Variants in KCNAB1 observed in about 807,000 individuals in gnomAD.
KCNAB1 encodes potassium voltage-gated channel subfamily A regulatory beta subunit 1.
KCNAB1 carries 35 observed loss-of-function variants against 64.6 expected under a neutral mutation model. The observed-to-expected ratio is 0.54, with a 90% CI of 0.41 to 0.72. The LOEUF (loss-of-function observed/expected upper bound fraction) is 0.72, where lower values mean the gene tolerates loss of function less well. Among genes scored for constraint, KCNAB1 ranks in the 30% least tolerant of loss-of-function variants. KCNAB1 has a pLI of 0.00. For synonymous variants in KCNAB1, 177 were observed against 183.8 expected (o/e 0.96, Z 0.30); for missense variants, 401 against 512.9 (o/e 0.78, Z 2.11).
At chr3:156,369,789 A>G (rs886179065) in intron 1 of KCNAB1, among the ~76,000 whole-genome samples, 2 of 152,224 alleles carry the variant, frequency 1.3e-5, no homozygotes, top group Admixed American at 1.3e-4. Context: ...AGTTTCTTCT[A>G]ACATAAAATG....
rs1422615953 is a variant in KCNAB1 at position 156,371,686 on chromosome 3, C to G, written c.276-49930C>G. ...TGGGGCTTGAATGTACTGCAGTGAT[C>G]ATCAATTTTAGTAAAAACCAATTAA... On this transcript the variant is annotated intron_variant, in intron 1 of 13. Coordinates refer to ENST00000490337, the MANE Select transcript of KCNAB1 (RefSeq NM_172160.3). Among the ~76,000 whole-genome samples the G allele has an allele frequency of 1.3e-5, 2 of 152,068 alleles. 1 individual carries two copies. Among genetic ancestry groups the G allele is most frequent in the African/African-American group, 4.8e-5 (2 of 41,388 alleles).
intron 1 of KCNAB1, among the ~76,000 whole-genome samples, chr3:156,308,491 G>A (rs1186118731): frequency 6.6e-6 from 1 of 152,216 alleles, no homozygotes; most frequent in African/African-American, 2.4e-5. Context: ...TCATGAGGAC[G>A]ATGGTGGCTT....
At chr3:156,274,981 G>A (rs763615148) in intron 1 of KCNAB1, among the ~76,000 whole-genome samples, 37 of 152,130 alleles carry the variant, frequency 2.4e-4, no homozygotes, top group Admixed American at 1.4e-3. Context: ...GCGATCTTGC[G>A]TAACAGAACC....
At chr3:156,140,860 A>G (rs1230805234) in intron 1 of KCNAB1, among the ~76,000 whole-genome samples, 2 of 152,138 alleles carry the variant, frequency 1.3e-5, no homozygotes, top group South Asian at 2.1e-4. Flanking sequence ...AAGAATTCCT[A>G]GAGGAGGTGA....
intron 1 of KCNAB1, chr3:156,291,207 C>T: frequency 1.0e-6 from 1 of 986,052 alleles, no homozygotes; most frequent in Non-Finnish European, 1.2e-6. Flanking sequence ...CTCCTCCGTG[C>T]AGCTGCAAAC....
At chr3:156,378,818 G>C (rs1477522158) in intron 1 of KCNAB1, among the ~76,000 whole-genome samples, 1 of 152,146 alleles carries the variant, frequency 6.6e-6, no homozygotes, top group Non-Finnish European at 1.5e-5. Context: ...CAGGAACGAG[G>C]AGGGTCAAGA....
intron 1 of KCNAB1, among the ~76,000 whole-genome samples, chr3:156,330,940 A>G (rs1723290158): frequency 6.6e-6 from 1 of 152,000 alleles, no homozygotes; most frequent in Admixed American, 6.6e-5. Flanking sequence ...TTCCCCTTAT[A>G]TCTATTAAAA....
At chr3:156,307,843 G>C (rs1721610136) in intron 1 of KCNAB1, among the ~76,000 whole-genome samples, 1 of 152,194 alleles carries the variant, frequency 6.6e-6, no homozygotes, top group African/African-American at 2.4e-5. Flanking sequence ...CTCTGAGCAT[G>C]ATGCTCAGAG....
intron 1 of KCNAB1, among the ~76,000 whole-genome samples, chr3:156,262,966 A>AT (rs1348767051): frequency 2.0e-5 from 3 of 151,722 alleles, no homozygotes; most frequent in Admixed American, 6.6e-5. Context: ...TTTCTTATAT[A>AT]TTTTTTAATT....
chr3:156,296,470 C>A (rs966852110), intron 1 of KCNAB1, among the ~76,000 whole-genome samples: 4 of 147,942 alleles, frequency 2.7e-5, no homozygotes, highest in Non-Finnish European at 4.5e-5. Flanking sequence ...CTCCCCCCCC[C>A]CCCACCTTTT....
intron 8 of KCNAB1, among the ~76,000 whole-genome samples, chr3:156,484,023 C>T (rs552144931): frequency 8.0e-4 from 122 of 152,204 alleles, no homozygotes; most frequent in Middle Eastern, 3.4e-3. Context: ...TTGTATTTTC[C>T]GCTTTCTTTG....
intron 1 of KCNAB1, among the ~76,000 whole-genome samples, chr3:156,342,585 C>CTTTTTTTTTTTTTTTTT (rs60982892): frequency 1.4e-4 from 12 of 86,254 alleles, no homozygotes; most frequent in East Asian, 3.9e-4. Flanking sequence ...CTATGTGTTT[C>CTTTTTTTTTTTTTTTTT]TTTTTTTTTT....
intron 1 of KCNAB1, among the ~76,000 whole-genome samples, chr3:156,419,848 A>T (rs898367922): frequency 1.6e-4 from 24 of 152,294 alleles, no homozygotes; most frequent in East Asian, 3.9e-4. Flanking sequence ...ATGACTTTTT[A>T]AAAAAATTCT....
chr3:156,179,360 A>C (rs1712626076), intron 1 of KCNAB1, among the ~76,000 whole-genome samples: 1 of 152,124 alleles, frequency 6.6e-6, no homozygotes, highest in South Asian at 2.1e-4. Context: ...GGGGATATAA[A>C]ATTTTATAAA....
intron 1 of KCNAB1, among the ~76,000 whole-genome samples, chr3:156,261,326 A>G (rs1186668477): frequency 1.3e-5 from 2 of 152,030 alleles, no homozygotes; most frequent in African/African-American, 4.8e-5. Flanking sequence ...CCAAGATCAT[A>G]AAGAATTCTC....
intron 1 of KCNAB1, among the ~76,000 whole-genome samples, chr3:156,205,989 G>A (rs1376951558): frequency 6.6e-6 from 1 of 152,134 alleles, no homozygotes; most frequent in Middle Eastern, 3.2e-3. Flanking sequence ...TGTTTGCCGG[G>A]ATCACCTTTG....
chr3:156,379,134 C>T (rs1361076319), intron 1 of KCNAB1, among the ~76,000 whole-genome samples: 1 of 152,224 alleles, frequency 6.6e-6, no homozygotes, highest in Non-Finnish European at 1.5e-5. Context: ...TGCATGGCAG[C>T]AGCACTCTGA....
chr3:156,529,458 T>G (rs566824498), intron 12 of KCNAB1, among the ~76,000 whole-genome samples: 2 of 151,314 alleles, frequency 1.3e-5, no homozygotes, highest in East Asian at 3.9e-4. Flanking sequence ...GGTAAAATTT[T>G]TGATGTATAA....
intron 7 of KCNAB1, among the ~76,000 whole-genome samples, chr3:156,472,070 C>G (rs1354848626): frequency 6.6e-6 from 1 of 152,220 alleles, no homozygotes; most frequent in African/African-American, 2.4e-5. Context: ...CATGTAGTGA[C>G]TGAGGTGCTA....
Sources: gnomAD v4.1 joint callset for allele counts (sites outside exome capture counted in the v4.1 genomes callset) on GRCh38, gnomAD v4.1.1 for gene constraint, MANE v1.5 for transcripts, NCBI Gene and HGNC (gene_info 2026-07-23, HGNC 2026-07-21) for gene names.